CACNA1D: variants seen among roughly 807,000 people sequenced by gnomAD.
CACNA1D encodes calcium voltage-gated channel subunit alpha1 D, also known as voltage-dependent L-type calcium channel subunit alpha-1D.
CACNA1D carries 55 observed loss-of-function variants against 257.1 expected under a neutral mutation model. The observed-to-expected ratio is 0.21, with a 90% confidence interval of 0.17 to 0.27. CACNA1D has a LOEUF of 0.27. CACNA1D is among the 10% of genes least tolerant of loss of function. The probability of loss-of-function intolerance (pLI) is 1.00; values close to 1 mark genes in which losing one functional copy is unlikely to be tolerated. For missense variants in CACNA1D, 1,876 were observed against 2,784.0 expected, an observed-to-expected ratio of 0.67 and a Z score of 7.34; for synonymous variants, 980 against 1,014.9, an observed-to-expected ratio of 0.97 and a Z score of 0.65.
At chr3:53,777,089 T>C (rs1433211976) in intron 37 of CACNA1D, 133 bp downstream of exon 37, 1 of 734,682 alleles carries the variant, frequency 1.4e-6, no homozygotes, top group Non-Finnish European at 2.5e-6. Context: ...ATGTGGTTCC[T>C]ACCTCTGGGG....
Position 53,751,621 on chromosome 3 carries a change from A to C in CACNA1D, c.3517-128A>C. 1.1e-6 allele frequency: 1 copy of C among 946,718 alleles called. No homozygotes were observed. The highest frequency in any genetic ancestry group is 1.3e-5 in the South Asian group (1 of 75,144). 58.6% of individuals were successfully genotyped at this position (946,718 alleles called of 1,614,324 possible). A position where few individuals can be genotyped will look rare whatever the true frequency, so the allele number is the denominator to read the frequency against. ...AGCAGGAAGGGGGTCACTCGTAATC[A>C]TTTTCACCATCGTCCACGGCCCCTT... is the stretch of plus-strand genomic sequence containing the variant. On this transcript the variant is annotated intron_variant, in intron 27 of 47. Coordinates refer to ENST00000350061, the MANE Select transcript of CACNA1D (RefSeq NM_001128840.3). This position sits in a 1 kb window ranked among gnomAD's most constrained non-coding sequence, Gnocchi z 4.3.
intron 3 of CACNA1D, among the ~76,000 whole-genome samples, chr3:53,616,143 G>A (rs1407370658): frequency 2.0e-5 from 3 of 152,206 alleles, no homozygotes; most frequent in South Asian, 4.1e-4. Flanking sequence ...TTGGGATGGT[G>A]CAGGTGAAGT....
intron 45 of CACNA1D, among the ~76,000 whole-genome samples, chr3:53,806,059 CTCCCTCATTTTCTCTCATCT>C (rs2095563706): frequency 6.8e-6 from 1 of 147,192 alleles, no homozygotes; most frequent in African/African-American, 2.5e-5. Flanking sequence ...CCTCCTCCTC[CTCCCTCATTTTCTCTCATCT>C]TCCCTCATCT....
chr3:53,597,177 T>G (rs1043777918), intron 3 of CACNA1D, among the ~76,000 whole-genome samples: 1 of 152,194 alleles, frequency 6.6e-6, no homozygotes, highest in South Asian at 2.1e-4. Context: ...CCAGATGGTG[T>G]TCTAGGTGTT....
chr3:53,534,227 G>A (rs2092042586), intron 3 of CACNA1D, among the ~76,000 whole-genome samples: 1 of 152,240 alleles, frequency 6.6e-6, no homozygotes, highest in South Asian at 2.1e-4. Context: ...GGCGTGGTGG[G>A]TAGAGTGTGA....
chr3:53,510,506 C>A (rs535762221), intron 3 of CACNA1D, among the ~76,000 whole-genome samples: 1 of 152,312 alleles, frequency 6.6e-6, no homozygotes, highest in South Asian at 2.1e-4. Flanking sequence ...TGTTTCAAAT[C>A]ATGCTGCATT....
chr3:53,513,114 A>G (rs375408483), intron 3 of CACNA1D, among the ~76,000 whole-genome samples: 1 of 152,216 alleles, frequency 6.6e-6, no homozygotes, highest in East Asian at 1.9e-4. Flanking sequence ...CTTTCTGACT[A>G]TAACTGGAGG....
intron 3 of CACNA1D, among the ~76,000 whole-genome samples, chr3:53,520,904 CTTTTCT>C (rs2091545645): frequency 9.9e-6 from 1 of 100,608 alleles, no homozygotes; most frequent in Non-Finnish European, 2.1e-5. Context: ...CTTTTCTTTT[CTTTTCT>C]TTTCTTTTTC....
intron 3 of CACNA1D, among the ~76,000 whole-genome samples, chr3:53,527,489 A>G (rs1243651631): frequency 6.6e-6 from 1 of 152,266 alleles, no homozygotes; most frequent in Non-Finnish European, 1.5e-5. Context: ...ATGAAATAGC[A>G]TTAAGTCAAG....
intron 5 of CACNA1D, 108 bp from the exon 6 acceptor site, chr3:53,665,552 T>A (rs143739457): frequency 1.2e-6 from 1 of 869,058 alleles, no homozygotes; most frequent in East Asian, 2.4e-5. Context: ...CCTCTTTGAA[T>A]TTTATTACTA....
At chr3:53,602,819 G>A (rs886561036) in intron 3 of CACNA1D, among the ~76,000 whole-genome samples, 1 of 151,928 alleles carries the variant, frequency 6.6e-6, no homozygotes, top group African/African-American at 2.4e-5. Context: ...CTATTGAGTT[G>A]TCTGAGCTCC....
At chr3:53,626,720 A>G (rs2093763729) in intron 3 of CACNA1D, among the ~76,000 whole-genome samples, 1 of 152,142 alleles carries the variant, frequency 6.6e-6, no homozygotes, top group South Asian at 2.1e-4. Flanking sequence ...CTGAGCCTCA[A>G]TTTACCTATC....
rs775882768 is a variant in CACNA1D at position 53,762,000 on chromosome 3, G to T, written c.3789G>T (p.Gly1263=). Reference sequence around the variant, plus strand: ...CTGCCCTCGCCTGCTCTGTCCAGGGGTATTTTAGTGACGCCTGGAACACGT... The same window carrying T: ...CTGCCCTCGCCTGCTCTGTCCAGGGTTATTTTAGTGACGCCTGGAACACGT... ...VLKVIAFKPK[G]YFSDAWNTFD... is the part of the protein sequence containing the mutation. The change falls in exon 30 of 48, where the codon GGG becomes GGT. Residue 1263 remains glycine (G), a splice_region_variant and synonymous_variant. Coordinates refer to ENST00000350061, the MANE Select transcript of CACNA1D (RefSeq NM_001128840.3). The T allele has an allele frequency of 2.5e-6, 4 of 1,609,534 alleles. No homozygotes were observed. In the Admixed American group the frequency reaches 5.0e-5, roughly 20 times the overall value.
In CACNA1D at chr3:53,761,994, C is replaced by T. The variant is rs770166407; in HGVS notation, c.3787-4C>T. ...AAACATCTGCCCTCGCCTGCTCTGT[C>T]CAGGGGTATTTTAGTGACGCCTGGA... is the stretch of plus-strand genomic sequence containing the variant. On this transcript the variant is annotated splice_polypyrimidine_tract_variant and splice_region_variant and intron_variant, in intron 29 of 47. Coordinates refer to ENST00000350061, the MANE Select transcript of CACNA1D (RefSeq NM_001128840.3). The T allele has an allele frequency of 1.2e-6, 2 of 1,606,348 alleles. No homozygotes were observed.
intron 40 of CACNA1D, chr3:53,790,982 T>C: frequency 2.8e-6 from 2 of 702,416 alleles, no homozygotes; most frequent in East Asian, 5.4e-5. Context: ...TTGTTTCAGA[T>C]GCTTGAACGG....
At chr3:53,551,671 C>A (rs1043464316) in intron 3 of CACNA1D, among the ~76,000 whole-genome samples, 1 of 152,218 alleles carries the variant, frequency 6.6e-6, no homozygotes, top group Non-Finnish European at 1.5e-5. Context: ...CTTTGCCATC[C>A]CCTTCTCAAG....
intron 3 of CACNA1D, among the ~76,000 whole-genome samples, chr3:53,608,868 T>C (rs2093547291): frequency 6.6e-6 from 1 of 152,242 alleles, no homozygotes; most frequent in Non-Finnish European, 1.5e-5. Flanking sequence ...TGATATATTA[T>C]TGAATTTAAT....
intron 3 of CACNA1D, among the ~76,000 whole-genome samples, chr3:53,514,730 G>A: frequency 6.6e-6 from 1 of 152,168 alleles, no homozygotes; most frequent in South Asian, 2.1e-4. Context: ...AGACCAGCCG[G>A]CTTGCTCTGG....
Position 53,705,790 on chromosome 3 carries a change from C to T in CACNA1D, c.1390+2980C>T, listed in dbSNP as rs140522195. 2.6e-5 allele frequency among the ~76,000 whole-genome samples: 4 copies of T among 152,318 alleles called. No individual in the cohort carries two copies. The East Asian group carries it at 5.8e-4, about 22-fold the overall frequency. On this transcript the variant is annotated intron_variant, in intron 9 of 47. Transcript: ENST00000350061. The stretch of plus-strand genomic sequence containing the variant: ...CCTCTCTGATCACAGACCTCAGCAG[C>T]CCAGACCCTCTGGAGGAGACAGCAC...
Sources: allele counts gnomAD v4.1 joint callset (sites outside exome capture counted in the v4.1 genomes callset), GRCh38; gene constraint gnomAD v4.1.1; non-coding constraint Gnocchi (gnomAD v3.1); transcripts MANE v1.5; gene names NCBI Gene and HGNC (gene_info 2026-07-23, HGNC 2026-07-21).